Variants in KANSL1L observed in about 807,000 individuals in gnomAD.
KANSL1L encodes KAT8 regulatory NSL complex subunit 1 like, also known as KAT8 regulatory NSL complex subunit 1-like protein.
In KANSL1L, 25 loss-of-function variants were observed where a neutral mutation model predicts 108.6. The ratio of observed to expected loss-of-function variants is 0.23; its 90% confidence interval spans 0.17 to 0.32. The LOEUF (loss-of-function observed/expected upper bound fraction) is 0.32, where lower values mean the gene tolerates loss of function less well. Ranked by LOEUF, KANSL1L falls within the 10% of genes least tolerant of loss-of-function variation. The pLI is 1.00. For missense variants in KANSL1L, 1,137 were observed against 1,125.7 expected (o/e 1.01, Z -0.14); for synonymous variants, 405 against 395.1 (o/e 1.03, Z -0.30).
chr2:210,153,581 A>G lies in KANSL1L; in HGVS notation c.1002T>C (p.His334=), dbSNP rs377316197. The change falls in exon 2 of 15, where the codon CAT becomes CAC. Residue 334 remains histidine (H), a synonymous_variant. Transcript: ENST00000281772. ...CATCGGAATCCAAACCCTCTTCAAC[A>G]TGAGACAACAGCCCTGTAGCAGAAA... The part of the protein sequence containing the change: ...FAFSATGLLS[H]VEEGLDSDAT... The G allele has an allele frequency of 1.9e-5, 31 of 1,613,980 alleles. No individual in the cohort carries two copies. In the African/African-American group the frequency reaches 2.1e-4, roughly 11 times the overall value.
At chr2:210,031,114 A>G (rs1486664661) in intron 9 of KANSL1L, 1 of 218,410 alleles carries the variant, frequency 4.6e-6, no homozygotes, top group Non-Finnish European at 9.0e-6. Context: ...GCAACTTTGC[A>G]CTAGCCTATT....
chr2:210,145,931 G>A (rs755584978), intron 2 of KANSL1L, among the ~76,000 whole-genome samples: 1 of 151,980 alleles, frequency 6.6e-6, no homozygotes, highest in Non-Finnish European at 1.5e-5. Flanking sequence ...TGGAGTCTGG[G>A]GCTCATGTCA....
At chr2:210,172,166 C>A (rs546149074), upstream of KANSL1L, among the ~76,000 whole-genome samples, 8 of 152,286 alleles carry the variant, frequency 5.3e-5, no homozygotes, top group African/African-American at 1.7e-4. Context: ...CACCTGGCCC[C>A]GCGAACCGCT....
chr2:210,031,717 C>G (rs1230552600), intron 8 of KANSL1L, among the ~76,000 whole-genome samples, 171 bp from the exon 9 acceptor site: 1 of 152,154 alleles, frequency 6.6e-6, no homozygotes, highest in Non-Finnish European at 1.5e-5. Context: ...CAGGAATTTC[C>G]AGTTTCTTAT....
rs374598212 is a variant in KANSL1L, at chr2:210,154,489, T to C, written c.94A>G (p.Ser32Gly). The change falls in exon 2 of 15, where the codon AGT (serine) becomes GGT (glycine). Residue 32 changes from serine to glycine, a missense_variant. By Grantham distance (56) the Ser-to-Gly change is moderately conservative (BLOSUM62 0). This residue lies in a region of KANSL1L where 556 missense variants were observed against 537.7 expected (regional missense o/e 1.03). Coordinates refer to ENST00000281772, the MANE Select transcript of KANSL1L (RefSeq NM_152519.4). The part of the protein sequence containing the change: ...MESDKMLYME[S>G]PRTVDEKLKG... The stretch of plus-strand genomic sequence containing the variant: ...AGCTTTTCATCTACAGTTCTGGGAC[T>C]TTCCATGTAGAGCATCTTGTCAGAC... 1 of 1,611,058 alleles carries C rather than the reference T, an allele frequency of 6.2e-7. No homozygotes were observed. The highest frequency in any genetic ancestry group is 1.3e-5 in the African/African-American group (1 of 74,912).
At chr2:210,150,047 G>C (rs936390571) in intron 2 of KANSL1L, among the ~76,000 whole-genome samples, 1 of 152,046 alleles carries the variant, frequency 6.6e-6, no homozygotes, top group South Asian at 2.1e-4. Context: ...TAAAATGCAG[G>C]TGGGGCTTTA....
intron 2 of KANSL1L, among the ~76,000 whole-genome samples, chr2:210,131,216 G>C (rs1260839062): frequency 2.6e-5 from 4 of 152,168 alleles, no homozygotes; most frequent in African/African-American, 4.8e-5. Flanking sequence ...AAACCATTGA[G>C]ATTAGGATGC....
chr2:210,162,246 A>G (rs1350147822), intron 1 of KANSL1L, among the ~76,000 whole-genome samples: 2 of 145,010 alleles, frequency 1.4e-5, no homozygotes, highest in African/African-American at 2.5e-5. Context: ...ATATATATGT[A>G]TATCAATAAA....
intron 8 of KANSL1L, chr2:210,032,753 A>G (rs2094036834): frequency 6.6e-6 from 1 of 152,258 alleles, no homozygotes; most frequent in Non-Finnish European, 1.5e-5. Flanking sequence ...GAAGAGTTTT[A>G]ACTGAGTATC....
At chr2:210,109,468 GT>G (rs1207253201) in intron 3 of KANSL1L, among the ~76,000 whole-genome samples, 1 of 151,988 alleles carries the variant, frequency 6.6e-6, no homozygotes, top group Admixed American at 6.6e-5. Context: ...ATAGAATACT[GT>G]TTCCCACAAA....
At chr2:210,043,763 T>G (rs2094193916) in intron 7 of KANSL1L, 176 bp downstream of exon 7, 1 of 435,130 alleles carries the variant, frequency 2.3e-6, no homozygotes, top group South Asian at 6.4e-5. Flanking sequence ...ACATTAACCG[T>G]GCATGTGACT....
rs1271105443 is a variant in KANSL1L, at chr2:210,154,039, T to C, written c.544A>G (p.Lys182Glu). The change falls in exon 2 of 15, where the codon AAA (lysine) becomes GAA (glutamate). Residue 182 changes from lysine to glutamate, a missense_variant. Coordinates refer to ENST00000281772, the MANE Select transcript of KANSL1L (RefSeq NM_152519.4). ...TTTTTAATCTCAGCATCAGTAACTT[T>C]ATCCAAAAGTGCATTCTCTTGATAC... ...KWYQENALLD[K>E]VTDAEIKKGL... is the part of the protein sequence containing the mutation. The C allele has an allele frequency of 6.2e-7, 1 of 1,613,976 alleles. No homozygotes were observed. Among genetic ancestry groups the C allele is most frequent in the Non-Finnish European group, 8.5e-7 (1 of 1,179,944 alleles).
At chr2:210,141,884 T>C (rs2095232409) in intron 2 of KANSL1L, among the ~76,000 whole-genome samples, 1 of 152,210 alleles carries the variant, frequency 6.6e-6, no homozygotes, top group Non-Finnish European at 1.5e-5. Context: ...CATCCTTGCA[T>C]CCCAGGGATA....
intron 2 of KANSL1L, chr2:210,152,450 G>A (rs1255776285): frequency 6.6e-6 from 1 of 152,140 alleles, no homozygotes; most frequent in Non-Finnish European, 1.5e-5. Flanking sequence ...AGTTTCTATT[G>A]GACAGAGTTG....
At chr2:210,070,507 G>T (rs576625742) in intron 6 of KANSL1L, among the ~76,000 whole-genome samples, 67 of 152,246 alleles carry the variant, frequency 4.4e-4, no homozygotes, top group African/African-American at 1.5e-3. Context: ...TGGGATTACA[G>T]GCGTGAGCCA....
rs1461225209 is a variant in KANSL1L, at chr2:210,031,413, T to G, written c.2155+8A>C. On this transcript the variant is annotated splice_region_variant and intron_variant, in intron 9 of 14. Coordinates refer to ENST00000281772, the MANE Select transcript of KANSL1L (RefSeq NM_152519.4). ...ATCACTACTGCTTATATCCTCACTTTAACCTACCTAATGCTGTTTCACTCA... is the reference window on the plus strand; with the variant it reads ...ATCACTACTGCTTATATCCTCACTTGAACCTACCTAATGCTGTTTCACTCA... The G allele has an allele frequency of 5.7e-6, 9 of 1,582,818 alleles. No individual in the cohort carries two copies. The highest frequency in any genetic ancestry group is 7.8e-6 in the Non-Finnish European group (9 of 1,157,794).
chr2:210,053,785 T>TA (rs1423797200), intron 6 of KANSL1L, among the ~76,000 whole-genome samples: 1 of 151,586 alleles, frequency 6.6e-6, no homozygotes, highest in Non-Finnish European at 1.5e-5. Flanking sequence ...AAAAAAGTCA[T>TA]AAAAAACAAA....
At chr2:210,059,133 G>A (rs372737976) in intron 6 of KANSL1L, among the ~76,000 whole-genome samples, 4 of 134,716 alleles carry the variant, frequency 3.0e-5, no homozygotes, top group South Asian at 2.3e-4. Context: ...GCGAGACTCC[G>A]TCTCAAAAAA....
At chr2:210,153,331 G>C in intron 2 of KANSL1L, 164 bp downstream of exon 2, 1 of 580,590 alleles carries the variant, frequency 1.7e-6, no homozygotes, top group Admixed American at 3.6e-5. Flanking sequence ...TCCAGCCTGG[G>C]CGACAGAGCG....
Sources: allele counts gnomAD v4.1 joint callset (sites outside exome capture counted in the v4.1 genomes callset), GRCh38; gene constraint gnomAD v4.1.1; regional missense constraint gnomAD v4.1.1; transcripts MANE v1.5; gene names NCBI Gene and HGNC (gene_info 2026-07-23, HGNC 2026-07-21).